The following PHF24 variants were observed in gnomAD, a reference collection of about 807,000 sequenced individuals.
PHF24 encodes the protein Galpha inhibitory interacting protein.
Under a neutral mutation model 42.6 loss-of-function variants are expected in PHF24, and 25 were observed. The ratio of observed to expected loss-of-function variants is 0.59; its 90% confidence interval spans 0.43 to 0.82. PHF24 has a LOEUF of 0.82. PHF24 is among the 40% of genes least tolerant of loss of function. The pLI, the probability that PHF24 is intolerant of heterozygous loss-of-function variation, is 0.00. For synonymous variants in PHF24, 185 were observed against 204.8 expected (o/e 0.90, Z 0.83); for missense variants, 470 against 538.1 (o/e 0.87, Z 1.25).
chr9:34,675,977 A>G, the PHF24 span, among the ~76,000 whole-genome samples: 2 of 152,228 alleles, frequency 1.3e-5, no homozygotes, highest in Non-Finnish European at 2.9e-5. Context: ...GAGGAGGGAC[A>G]TAAGAGTTTG....
At chr9:34,741,836 T>C in the PHF24 span, among the ~76,000 whole-genome samples, 3,214 of 152,148 alleles carry the variant, frequency 0.021, 106 homozygotes, top group African/African-American at 0.072. Flanking sequence ...GCCTCTGTTT[T>C]CTAAGCAGAT....
At chr9:34,744,212 G>A in the PHF24 span, among the ~76,000 whole-genome samples, 31 of 152,330 alleles carry the variant, frequency 2.0e-4, no homozygotes, top group African/African-American at 7.0e-4. Flanking sequence ...AGGGGCTGAA[G>A]ATAACGATGG....
chr9:34,684,542 G>A, the PHF24 span, among the ~76,000 whole-genome samples: 4 of 152,234 alleles, frequency 2.6e-5, no homozygotes, highest in African/African-American at 7.2e-5. Context: ...GTAATGGGGG[G>A]ACCTTGACAT....
the PHF24 span, among the ~76,000 whole-genome samples, chr9:34,789,721 C>T: frequency 6.6e-6 from 1 of 152,184 alleles, no homozygotes; most frequent in African/African-American, 2.4e-5. Context: ...AACTAAATAA[C>T]AGAGAGAAAC....
At chr9:34,820,362 T>C in the PHF24 span, among the ~76,000 whole-genome samples, 3 of 152,094 alleles carry the variant, frequency 2.0e-5, no homozygotes, top group African/African-American at 7.2e-5. Flanking sequence ...TGATAGGTAG[T>C]TTTTCGATCC....
the PHF24 span, chr9:34,835,692 C>T: frequency 6.4e-7 from 1 of 1,551,218 alleles, no homozygotes; most frequent in Admixed American, 2.0e-5. Flanking sequence ...CCGGCCCTAG[C>T]TGGAGGTGAT....
At chr9:34,668,202 G>C in the PHF24 span, among the ~76,000 whole-genome samples, 6 of 152,168 alleles carry the variant, frequency 3.9e-5, no homozygotes, top group Non-Finnish European at 8.8e-5. Context: ...TGGGATATCT[G>C]TGTCCAGAGC....
the PHF24 span, among the ~76,000 whole-genome samples, chr9:34,675,467 C>G: frequency 6.6e-6 from 1 of 152,286 alleles, no homozygotes; most frequent in East Asian, 1.9e-4. Context: ...ACTTCCTATC[C>G]TTTTGCAAAT....
the PHF24 span, chr9:34,689,960 G>C: frequency 1.2e-6 from 2 of 1,614,158 alleles, no homozygotes; most frequent in Middle Eastern, 1.6e-4. The surrounding 1 kb of genome is among the most constrained non-coding windows in gnomAD (Gnocchi z 4.1). Flanking sequence ...GTCTCTGGAT[G>C]ATGCGTTCTA....
the PHF24 span, among the ~76,000 whole-genome samples, chr9:34,687,498 A>T: frequency 6.6e-6 from 1 of 152,168 alleles, no homozygotes; most frequent in East Asian, 1.9e-4. Context: ...GAGTCACACA[A>T]TGAGTGGGGC....
chr9:34,673,381 G>A, the PHF24 span, among the ~76,000 whole-genome samples: 1 of 151,220 alleles, frequency 6.6e-6, no homozygotes, highest in Non-Finnish European at 1.5e-5. Flanking sequence ...AGGAATTGAG[G>A]TAAGAGAAGG....
the PHF24 span, chr9:34,837,058 T>C: frequency 2.1e-6 from 1 of 471,334 alleles, no homozygotes; most frequent in African/African-American, 2.0e-5. Flanking sequence ...CAAACAGCAA[T>C]AGATCACCTT....
chr9:34,709,671 C>T, the PHF24 span: 19 of 1,613,976 alleles, frequency 1.2e-5, no homozygotes, highest in African/African-American at 8.0e-5. Flanking sequence ...AGAGCGCTTG[C>T]GGGGCAAGAA....
At chr9:34,873,278 C>T in the PHF24 span, among the ~76,000 whole-genome samples, 1 of 151,954 alleles carries the variant, frequency 6.6e-6, no homozygotes, top group Non-Finnish European at 1.5e-5. Flanking sequence ...AAGTCCTTGC[C>T]CATGCCTATG....
the PHF24 span, among the ~76,000 whole-genome samples, chr9:34,912,564 T>G: frequency 6.6e-6 from 1 of 152,126 alleles, no homozygotes; most frequent in African/African-American, 2.4e-5. Context: ...AACTGCCATA[T>G]AGCCCATCAC....
chr9:34,783,178 C>T, the PHF24 span, among the ~76,000 whole-genome samples: 319 of 152,274 alleles, frequency 2.1e-3, 3 homozygotes, highest in Admixed American at 0.018. Context: ...AACTTAAATC[C>T]TGACAGTGAT....
the PHF24 span, among the ~76,000 whole-genome samples, chr9:34,735,159 G>T: frequency 7.6e-6 from 1 of 132,402 alleles, no homozygotes; most frequent in African/African-American, 2.8e-5. Flanking sequence ...TTTTTGAGAC[G>T]GAGTCTCACT....
the PHF24 span, chr9:34,678,394 C>G: frequency 3.5e-5 from 5 of 144,530 alleles, no homozygotes; most frequent in East Asian, 1.0e-3. Flanking sequence ...AGCGCAATGG[C>G]GCAGTATCGC....
the PHF24 span, among the ~76,000 whole-genome samples, chr9:34,672,500 C>A: frequency 6.6e-6 from 1 of 152,186 alleles, no homozygotes; most frequent in East Asian, 1.9e-4. Context: ...TAATTTATTT[C>A]TTACAGTTAT....
Sources: gnomAD v4.1 joint callset for allele counts (sites outside exome capture counted in the v4.1 genomes callset) on GRCh38, gnomAD v4.1.1 for gene constraint, Gnocchi (gnomAD v3.1) non-coding constraint, MANE v1.5 for transcripts, NCBI Gene and HGNC (gene_info 2026-07-23, HGNC 2026-07-21) for gene names.